The following NT5C2 variants were observed in gnomAD, a reference collection of about 807,000 sequenced individuals.
NT5C2 encodes 5'-nucleotidase, cytosolic II, also known as cytosolic purine 5'-nucleotidase.
In NT5C2, 58 loss-of-function variants were observed where a neutral mutation model predicts 76.1. That is an observed-to-expected ratio of 0.76 (90% confidence interval 0.62 to 0.95). NT5C2 has a LOEUF of 0.95. NT5C2 is among the 40% of genes least tolerant of loss of function. The pLI is 0.00. For synonymous variants in NT5C2, 229 were observed against 237.4 expected (o/e 0.96, Z 0.32); for missense variants, 478 against 690.3 (o/e 0.69, Z 3.45).
At chr10:103,146,274 T>C (rs2081463192) in intron 3 of NT5C2, 1 of 985,428 alleles carries the variant, frequency 1.0e-6, no homozygotes, top group Non-Finnish European at 1.2e-6. Flanking sequence ...ACAAATCCAT[T>C]TGGAATAGAA....
At chr10:103,177,144 T>C (rs1380621184) in intron 2 of NT5C2, among the ~76,000 whole-genome samples, 2 of 152,172 alleles carry the variant, frequency 1.3e-5, no homozygotes, top group Non-Finnish European at 2.9e-5. Context: ...ATACAAGCAA[T>C]AAATATTTGA....
intron 4 of NT5C2, among the ~76,000 whole-genome samples, chr10:103,110,591 C>A (rs1473076735): frequency 6.6e-6 from 1 of 152,104 alleles, no homozygotes. Flanking sequence ...CAATTTTTTT[C>A]AACTAGTCCA....
intron 3 of NT5C2, among the ~76,000 whole-genome samples, chr10:103,173,594 G>A (rs2088869488): frequency 7.2e-6 from 1 of 138,668 alleles, no homozygotes; most frequent in African/African-American, 2.7e-5. Context: ...CCTGGGCCAG[G>A]GAGCGAGACG....
chr10:103,112,161 G>A (rs1016852323), intron 4 of NT5C2, among the ~76,000 whole-genome samples: 9 of 152,148 alleles, frequency 5.9e-5, no homozygotes, highest in Non-Finnish European at 1.0e-4. Context: ...AGGCTAACAC[G>A]ATAGAAACTG....
At position 103,097,295 on chromosome 10, in the gene NT5C2, G is replaced by C. The variant is rs1344739408; in HGVS notation, c.767C>G (p.Thr256Arg). 1.2e-6 allele frequency: 2 copies of C among 1,608,970 alleles called. No individual in the cohort carries two copies. Among genetic ancestry groups the C allele is most frequent in the Non-Finnish European group, 8.5e-7 (1 of 1,175,976 alleles). Residue 256 changes from threonine (T) to arginine (R), a missense_variant, in exon 11 of 19, where the codon ACA becomes AGA. By Grantham distance (71) the Thr-to-Arg change is moderately conservative (BLOSUM62 -1). Transcript: ENST00000404739. ...ATATACACATGAAGCACTTACATCT[G>C]TATATTTATAGTCACTGTTGGTAGC... ...FLATNSDYKY[T>R]DKIMTYLFDF...
chr10:103,091,142 C>G, intron 16 of NT5C2, 146 bp from the exon 17 acceptor site: 1 of 687,316 alleles, frequency 1.5e-6, no homozygotes, highest in Non-Finnish European at 2.5e-6. Flanking sequence ...TCAAGCGATT[C>G]TCCTGCCTCA....
chr10:103,155,448 C>A (rs1212167463), intron 3 of NT5C2, among the ~76,000 whole-genome samples: 2 of 152,076 alleles, frequency 1.3e-5, no homozygotes, highest in Non-Finnish European at 2.9e-5. Flanking sequence ...AGAAATGGAA[C>A]AATCCAAAAT....
At chr10:103,190,380 A>C (rs929448174) in intron 1 of NT5C2, among the ~76,000 whole-genome samples, 1 of 152,080 alleles carries the variant, frequency 6.6e-6, no homozygotes, top group African/African-American at 2.4e-5. Context: ...TCATACCCTC[A>C]ATACATCCAC....
chr10:103,142,936 C>G (rs2080769306), intron 3 of NT5C2, among the ~76,000 whole-genome samples: 1 of 148,896 alleles, frequency 6.7e-6, no homozygotes, highest in Admixed American at 6.7e-5. Flanking sequence ...TTGCCGTGAG[C>G]CAAGATCACA....
intron 4 of NT5C2, among the ~76,000 whole-genome samples, chr10:103,135,098 G>A (rs2136174307): frequency 6.6e-6 from 1 of 152,358 alleles, no homozygotes; most frequent in Non-Finnish European, 1.5e-5. Context: ...ATATTGGACT[G>A]TGAACTTTTT....
chr10:103,175,572 A>G (rs992317358), intron 2 of NT5C2: 12 of 203,678 alleles, frequency 5.9e-5, no homozygotes, highest in African/African-American at 2.6e-4. Context: ...CCAGAGCTCC[A>G]AGGCTCCTCG....
chr10:103,125,294 G>GT (rs1450329833), intron 4 of NT5C2: 1 of 504,542 alleles, frequency 2.0e-6, no homozygotes. Flanking sequence ...CATTGTCACA[G>GT]TTAAAAAAAA....
chr10:103,144,755 T>C (rs1032128212), intron 3 of NT5C2, among the ~76,000 whole-genome samples: 4 of 152,194 alleles, frequency 2.6e-5, no homozygotes, highest in African/African-American at 7.2e-5. Context: ...TTGTGACATA[T>C]GTCATATAAG....
At chr10:103,127,243 G>C (rs1274058050) in intron 4 of NT5C2, among the ~76,000 whole-genome samples, 1 of 152,158 alleles carries the variant, frequency 6.6e-6, no homozygotes, top group African/African-American at 2.4e-5. Context: ...GCATTCTATG[G>C]GTAGTAGATT....
intron 3 of NT5C2, among the ~76,000 whole-genome samples, chr10:103,170,698 T>G (rs1188720340): frequency 2.9e-5 from 4 of 136,026 alleles, no homozygotes; most frequent in Admixed American, 1.4e-4. Context: ...AATTTTTATG[T>G]TTTTTTTTTG....
chr10:103,189,915 C>G (rs1162337546), intron 1 of NT5C2, among the ~76,000 whole-genome samples: 2 of 151,220 alleles, frequency 1.3e-5, no homozygotes, highest in Non-Finnish European at 2.9e-5. Flanking sequence ...GGTGATCCAC[C>G]TGCCTCGACC....
intron 4 of NT5C2, among the ~76,000 whole-genome samples, chr10:103,119,645 G>A (rs6584539): frequency 2.6e-5 from 4 of 151,986 alleles, no homozygotes; most frequent in African/African-American, 7.3e-5. Flanking sequence ...GAGACCTCTC[G>A]TCACAGTAAG....
At position 103,142,809 on chromosome 10, in the gene NT5C2, C is replaced by T. The variant is rs944163100; in HGVS notation, c.102-3330G>A. Among the ~76,000 whole-genome samples the T allele has an allele frequency of 3.3e-5, 5 of 151,778 alleles. No individual in the cohort carries two copies. The East Asian group carries it at 9.6e-4, about 29-fold the overall frequency. ...ACCAGCCTGGCCAACATGGTGAAAC[C>T]CTGTCTCTACTAAAAATACAAAAAT... On this transcript the variant is annotated intron_variant, in intron 3 of 18. Coordinates refer to ENST00000404739, the MANE Select transcript of NT5C2 (RefSeq NM_001351169.2).
At chr10:103,108,039 C>T (rs2071834017) in intron 4 of NT5C2, among the ~76,000 whole-genome samples, 1 of 151,950 alleles carries the variant, frequency 6.6e-6, no homozygotes, top group African/African-American at 2.4e-5. Flanking sequence ...CCTGTAATCC[C>T]AGCTACTCGG....
Sources: gnomAD v4.1 joint callset for allele counts (sites outside exome capture counted in the v4.1 genomes callset) on GRCh38, gnomAD v4.1.1 for gene constraint, MANE v1.5 for transcripts, NCBI Gene and HGNC (gene_info 2026-07-23, HGNC 2026-07-21) for gene names.